The following PRIM2 variants were observed in gnomAD, a reference collection of about 807,000 sequenced individuals.
PRIM2 encodes DNA primase subunit 2, also known as DNA primase large subunit.
Under a neutral mutation model 67.3 loss-of-function variants are expected in PRIM2, and 39 were observed. The ratio of observed to expected loss-of-function variants is 0.58; its 90% CI spans 0.45 to 0.76. The LOEUF (loss-of-function observed/expected upper bound fraction) is 0.76. Among genes scored for constraint, PRIM2 ranks in the 30% least tolerant of loss-of-function variants. The pLI, the probability that PRIM2 is intolerant of heterozygous loss-of-function variation, is 0.00. For missense variants in PRIM2, 398 were observed against 598.7 expected, an observed-to-expected ratio of 0.66 and a Z score of 3.50; for synonymous variants, 143 against 198.7, an observed-to-expected ratio of 0.72 and a Z score of 2.36.
chr6:57,371,199 G>C (rs9396284), intron 5 of PRIM2, among the ~76,000 whole-genome samples: 7,807 of 147,998 alleles, frequency 0.053, 386 homozygotes, highest in African/African-American at 0.13. Flanking sequence ...AGTAAAGTCT[G>C]TTGTAGCTAA....
intron 10 of PRIM2, among the ~76,000 whole-genome samples, chr6:57,542,938 G>GTTTTTTTTTTTTTT (rs1581980392): frequency 2.1e-4 from 12 of 56,840 alleles, no homozygotes; most frequent in East Asian, 5.4e-4. Flanking sequence ...CTGCTTATAG[G>GTTTTTTTTTTTTTT]ATTTTTTTTT....
chr6:57,356,931 CTTTTTTTTTT>C (rs761605036), intron 5 of PRIM2, among the ~76,000 whole-genome samples: 1 of 120,794 alleles, frequency 8.3e-6, no homozygotes, highest in African/African-American at 3.1e-5. Flanking sequence ...CCAATCCATT[CTTTTTTTTTT>C]TTTTTTTTTT....
At chr6:57,322,489 A>T (rs1767693807) in intron 3 of PRIM2, among the ~76,000 whole-genome samples, 2 of 152,122 alleles carry the variant, frequency 1.3e-5, no homozygotes, top group Admixed American at 1.3e-4. Flanking sequence ...GCTATTCTAG[A>T]TAGTGAGTTC....
At chr6:57,367,307 A>C (rs1769392219) in intron 5 of PRIM2, among the ~76,000 whole-genome samples, 1 of 152,170 alleles carries the variant, frequency 6.6e-6, no homozygotes, top group African/African-American at 2.4e-5. Flanking sequence ...TCTTTGTTAA[A>C]GATTTTCCAA....
At chr6:57,407,723 C>A (rs1401921234) in intron 7 of PRIM2, among the ~76,000 whole-genome samples, 103 of 152,282 alleles carry the variant, frequency 6.8e-4, no homozygotes, top group African/African-American at 2.4e-3. Flanking sequence ...TTTCATGTGG[C>A]ATTAAATCAT....
the PRIM2 span, among the ~76,000 whole-genome samples, chr6:57,248,251 A>ATT: frequency 2.1e-4 from 32 of 152,232 alleles, 1 homozygote; most frequent in Admixed American, 1.9e-3. Context: ...AACTTATTTA[A>ATT]ATTACAAAGA....
chr6:57,428,135 C>A (rs1175612859), intron 7 of PRIM2, among the ~76,000 whole-genome samples: 3 of 150,198 alleles, frequency 2.0e-5, no homozygotes, highest in Non-Finnish European at 4.4e-5. Context: ...AATTTAAATA[C>A]CCAAGGTTTA....
chr6:57,359,877 A>G (rs1349903230), intron 5 of PRIM2, among the ~76,000 whole-genome samples: 5 of 152,238 alleles, frequency 3.3e-5, no homozygotes, highest in Non-Finnish European at 5.9e-5. Context: ...TGATTGGTGA[A>G]TCTGCTTAAA....
At chr6:57,637,366 A>G (rs1166469018) in intron 13 of PRIM2, among the ~76,000 whole-genome samples, 1 of 152,080 alleles carries the variant, frequency 6.6e-6, no homozygotes, top group African/African-American at 2.4e-5. Flanking sequence ...AAGGATCACA[A>G]CTCCTCACCA....
Position 57,555,934 on chromosome 6 carries a change from T to C in PRIM2, c.1020+18309T>C, listed in dbSNP as rs1397253637. 1.1e-4 allele frequency among the ~76,000 whole-genome samples: 17 copies of C among 152,332 alleles called. No individual in the cohort carries two copies. The East Asian group carries it at 3.3e-3, about 29-fold the overall frequency. On this transcript the variant is annotated intron_variant, in intron 10 of 13. Transcript: ENST00000615550. ...TGATTCTCATTTTTGGAAAGAAATATAATTTTCTTGGACAAGAAGAGCTTT... is the reference window on the plus strand; with the variant it reads ...TGATTCTCATTTTTGGAAAGAAATACAATTTTCTTGGACAAGAAGAGCTTT...
intron 7 of PRIM2, among the ~76,000 whole-genome samples, chr6:57,479,655 T>C (rs1445964571): frequency 3.8e-4 from 58 of 152,312 alleles, no homozygotes; most frequent in African/African-American, 1.3e-3. Flanking sequence ...CGTGTGGCCT[T>C]TAAAGAACAT....
At chr6:57,410,134 C>T (rs1164786501) in intron 7 of PRIM2, among the ~76,000 whole-genome samples, 1 of 151,970 alleles carries the variant, frequency 6.6e-6, no homozygotes, top group Non-Finnish European at 1.5e-5. Context: ...GCCTGGTCAA[C>T]ATGGTGAAAC....
intron 5 of PRIM2, among the ~76,000 whole-genome samples, chr6:57,332,979 T>C (rs898710515): frequency 6.6e-6 from 1 of 152,182 alleles, no homozygotes; most frequent in Non-Finnish European, 1.5e-5. Flanking sequence ...ATTAAAATGG[T>C]ATTTTCTAGT....
At chr6:57,516,586 C>G (rs1205076155) in intron 8 of PRIM2, among the ~76,000 whole-genome samples, 1 of 152,132 alleles carries the variant, frequency 6.6e-6, no homozygotes, top group Admixed American at 6.5e-5. Flanking sequence ...GTCTTATCAA[C>G]CAGCTACCTA....
chr6:57,632,391 G>A (rs1777051225), intron 13 of PRIM2, among the ~76,000 whole-genome samples, 190 bp downstream of exon 13: 1 of 152,000 alleles, frequency 6.6e-6, no homozygotes, highest in African/African-American at 2.4e-5. Flanking sequence ...GCAGAACCAG[G>A]AATATTTTGT....
rs551093660 is a variant in PRIM2, at chr6:57,356,031, G to C, written c.460-23870G>C. On this transcript the variant is annotated intron_variant, in intron 5 of 13. Transcript: ENST00000615550. ...TTTGCATTCGAGACCTAGGGTGTTA[G>C]GATAGGGCATCTGAGGTATAGACAT... Among the ~76,000 whole-genome samples the C allele has an allele frequency of 2.0e-5, 3 of 152,282 alleles. No homozygotes were observed. The East Asian group carries it at 5.8e-4, about 29-fold the overall frequency.
chr6:57,433,167 A>C (rs1771888501), intron 7 of PRIM2, among the ~76,000 whole-genome samples: 1 of 152,040 alleles, frequency 6.6e-6, no homozygotes, highest in Non-Finnish European at 1.5e-5. Context: ...AACATTTACT[A>C]TCACATTGCC....
At chr6:57,467,006 C>G (rs1177087681) in intron 7 of PRIM2, among the ~76,000 whole-genome samples, 2 of 149,922 alleles carry the variant, frequency 1.3e-5, no homozygotes, top group Non-Finnish European at 3.0e-5. Context: ...ATAATCCCAG[C>G]TACTAGGAGA....
At chr6:57,499,167 G>A (rs1424014456) in intron 7 of PRIM2, among the ~76,000 whole-genome samples, 1 of 152,166 alleles carries the variant, frequency 6.6e-6, no homozygotes, top group Non-Finnish European at 1.5e-5. Context: ...ATCTATAATT[G>A]CTTAAAATCA....
Sources: gnomAD v4.1 joint callset for allele counts (sites outside exome capture counted in the v4.1 genomes callset) on GRCh38, gnomAD v4.1.1 for gene constraint, MANE v1.5 for transcripts, NCBI Gene and HGNC (gene_info 2026-07-23, HGNC 2026-07-21) for gene names.